ARHGEF26: variants seen among roughly 807,000 people sequenced by gnomAD.
ARHGEF26 encodes Rho guanine nucleotide exchange factor (GEF) 26.
Under a neutral mutation model 89.4 loss-of-function variants are expected in ARHGEF26, and 59 were observed. The ratio of observed to expected loss-of-function variants is 0.66; its 90% CI spans 0.54 to 0.82. The LOEUF (loss-of-function observed/expected upper bound fraction) is 0.82. ARHGEF26 is among the 40% of genes least tolerant of loss of function. ARHGEF26 has a pLI of 0.00. For missense variants in ARHGEF26, 1,234 were observed against 1,085.6 expected, an observed-to-expected ratio of 1.14 and a Z score of -1.92; for synonymous variants, 500 against 428.4, an observed-to-expected ratio of 1.17 and a Z score of -2.06.
chr3:154,245,863 C>T (rs532550925), intron 12 of ARHGEF26, among the ~76,000 whole-genome samples: 10 of 152,248 alleles, frequency 6.6e-5, no homozygotes, highest in African/African-American at 1.4e-4. Flanking sequence ...GTGAACCATA[C>T]GGAGATCAGA....
intron 14 of ARHGEF26, 43 bp downstream of exon 14, chr3:154,254,867 C>T: frequency 1.3e-6 from 2 of 1,531,348 alleles, no homozygotes; most frequent in East Asian, 2.2e-5. Flanking sequence ...GTCCAGGATG[C>T]AGAGTGCTAT....
At chr3:154,149,153 T>C (rs1719862382) in intron 4 of ARHGEF26, among the ~76,000 whole-genome samples, 1 of 152,114 alleles carries the variant, frequency 6.6e-6, no homozygotes, top group Non-Finnish European at 1.5e-5. Context: ...TTCTAGAGTT[T>C]GTATGAGGAT....
chr3:154,124,430 A>T lies in ARHGEF26; in HGVS notation c.1104A>T (p.Gln368His). Residue 368 changes from glutamine to histidine, a missense_variant, in exon 3 of 15, where the codon CAA becomes CAT. Coordinates refer to ENST00000465093, the MANE Select transcript of ARHGEF26 (RefSeq NM_015595.4). Reference sequence around the variant, plus strand: ...CTTAGAAAAAAATGCTGAAAGGACAAGGAACATTTGATGGGGAAGGTAAGC... The same window carrying T: ...CTTAGAAAAAAATGCTGAAAGGACATGGAACATTTGATGGGGAAGGTAAGC... ...GRIKKKMLKG[Q>H]GTFDGEENAV... 1 of 1,514,620 alleles carries T rather than the reference A, an allele frequency of 6.6e-7. No homozygotes were observed. The allele number at this position is 1,514,620 out of a possible 1,614,324, so 93.8% of individuals were successfully genotyped here.
intron 6 of ARHGEF26, among the ~76,000 whole-genome samples, chr3:154,169,991 C>T (rs1712315774): frequency 6.6e-6 from 1 of 151,916 alleles, no homozygotes; most frequent in South Asian, 2.1e-4. Flanking sequence ...AGCTTCCTGC[C>T]AGTTCTAGCT....
At chr3:154,187,912 G>A (rs1713691636) in intron 7 of ARHGEF26, 75 bp downstream of exon 7, 8 of 1,343,436 alleles carry the variant, frequency 6.0e-6, no homozygotes, top group Non-Finnish European at 8.0e-6. Flanking sequence ...GAAATTAATT[G>A]ATCTTTTGAA....
chr3:154,155,698 A>G (rs1720299489), intron 6 of ARHGEF26, among the ~76,000 whole-genome samples: 1 of 152,016 alleles, frequency 6.6e-6, no homozygotes, highest in African/African-American at 2.4e-5. Flanking sequence ...TAGAGTATGT[A>G]TGTATCCTTA....
chr3:154,161,581 T>C (rs1028912450), intron 6 of ARHGEF26, among the ~76,000 whole-genome samples: 1 of 152,210 alleles, frequency 6.6e-6, no homozygotes, highest in South Asian at 2.1e-4. Context: ...TTTGTAAATA[T>C]ATGCCTCTGC....
At chr3:154,150,141 T>TC (rs1460526679) in intron 5 of ARHGEF26, among the ~76,000 whole-genome samples, 5 of 143,270 alleles carry the variant, frequency 3.5e-5, no homozygotes, top group Admixed American at 2.1e-4. Flanking sequence ...GATGTCCTTT[T>TC]TTTTTTTTTT....
intron 4 of ARHGEF26, among the ~76,000 whole-genome samples, chr3:154,131,767 C>T (rs1718694809): frequency 6.6e-6 from 1 of 152,192 alleles, no homozygotes; most frequent in Non-Finnish European, 1.5e-5. Context: ...CAGTTACACC[C>T]TGATCTCAGT....
upstream of ARHGEF26, chr3:154,121,389 C>CGGGCCG (rs1489540443): frequency 6.6e-6 from 1 of 151,058 alleles, no homozygotes; most frequent in Admixed American, 6.6e-5. Context: ...GGCGTGGGGG[C>CGGGCCG]GGGCCGGCGC....
chr3:154,192,723 CTA>C (rs1714026252), intron 8 of ARHGEF26, among the ~76,000 whole-genome samples: 1 of 152,144 alleles, frequency 6.6e-6, no homozygotes, highest in South Asian at 2.1e-4. Context: ...TCAAACATGA[CTA>C]TTTTTTTAAG....
rs1164914435 is a variant in ARHGEF26 at position 154,255,339 on chromosome 3, G to A, written c.2482G>A (p.Glu828Lys). 2 of 1,613,054 alleles carry A rather than the reference G, an allele frequency of 1.2e-6. No homozygotes were observed. Among genetic ancestry groups the A allele is most frequent in the Admixed American group, 1.7e-5 (1 of 59,954 alleles). The change falls in exon 15 of 15, where the codon GAG (glutamate) becomes AAG (lysine). Residue 828 changes from glutamate (E) to lysine (K), a missense_variant. Coordinates refer to ENST00000465093, the MANE Select transcript of ARHGEF26 (RefSeq NM_015595.4). ...TCTGTTCTTTTTCACAGGCTGGTAT[G>A]AGGGGGAACGACTACGAGATGGAGA... ...IYQRVSDGWY[E>K]GERLRDGERG...
chr3:154,169,398 C>T (rs988549022), intron 6 of ARHGEF26, among the ~76,000 whole-genome samples: 24 of 152,042 alleles, frequency 1.6e-4, no homozygotes, highest in African/African-American at 5.8e-4. Flanking sequence ...TTTCCTGACA[C>T]GCGTGTTTCC....
In ARHGEF26 at chr3:154,152,858, G is replaced by T; in HGVS notation, c.1413G>T (p.Leu471=). The stretch of plus-strand genomic sequence containing the variant: ...GAATGTTTAAAAATTCTAAAGAACT[G>T]AGTGATACAATGACTAAAACCGAGA... ...LIRMFKNSKE[L]SDTMTKTERH... Residue 471 remains leucine (L), a synonymous_variant, in exon 6 of 15, where the codon CTG becomes CTT. Coordinates refer to ENST00000465093, the MANE Select transcript of ARHGEF26 (RefSeq NM_015595.4). The T allele has an allele frequency of 1.3e-6, 2 of 1,592,504 alleles. No individual in the cohort carries two copies. The highest frequency in any genetic ancestry group is 1.7e-6 in the Non-Finnish European group (2 of 1,168,860).
intron 6 of ARHGEF26, chr3:154,187,147 C>A (rs1307650128): frequency 8.6e-6 from 7 of 818,356 alleles, no homozygotes; most frequent in Non-Finnish European, 1.0e-5. Flanking sequence ...GCTTCGGCCT[C>A]CCAGAGTGCT....
At chr3:154,189,222 A>T (rs1023802432) in intron 7 of ARHGEF26, among the ~76,000 whole-genome samples, 1 of 152,156 alleles carries the variant, frequency 6.6e-6, no homozygotes, top group African/African-American at 2.4e-5. Context: ...AGGTACTGCT[A>T]TACATCATGT....
At chr3:154,136,683 A>G (rs138153935) in intron 4 of ARHGEF26, among the ~76,000 whole-genome samples, 227 of 152,326 alleles carry the variant, frequency 1.5e-3, no homozygotes, top group Non-Finnish European at 2.8e-3. Context: ...GTTTGCAGAA[A>G]TGCTTAATGC....
At chr3:154,221,328 A>G (rs1048053981) in intron 10 of ARHGEF26, among the ~76,000 whole-genome samples, 1 of 152,182 alleles carries the variant, frequency 6.6e-6, no homozygotes, top group Non-Finnish European at 1.5e-5. Context: ...AAAGTTTGAT[A>G]CCCCATTTTA....
At chr3:154,193,857 T>A (rs1264882114) in intron 8 of ARHGEF26, among the ~76,000 whole-genome samples, 1 of 151,804 alleles carries the variant, frequency 6.6e-6, no homozygotes, top group Non-Finnish European at 1.5e-5. Context: ...TTTTTGACTG[T>A]TTTTTCTTTG....
Sources: gnomAD v4.1 joint callset for allele counts (sites outside exome capture counted in the v4.1 genomes callset) on GRCh38, gnomAD v4.1.1 for gene constraint, MANE v1.5 for transcripts, NCBI Gene and HGNC (gene_info 2026-07-23, HGNC 2026-07-21) for gene names.